ARHGEF17: variants seen among roughly 807,000 people sequenced by gnomAD.
ARHGEF17 encodes Rho guanine nucleotide exchange factor 17.
A neutral mutation model predicts 174.0 loss-of-function variants in ARHGEF17; 80 were observed. The observed-to-expected ratio is 0.46, with a 90% confidence interval of 0.38 to 0.55. The LOEUF (loss-of-function observed/expected upper bound fraction) is 0.55, where lower values mean the gene tolerates loss of function less well. Ranked by LOEUF, ARHGEF17 falls within the 20% of genes least tolerant of loss-of-function variation. The probability of loss-of-function intolerance (pLI) is 0.00; values close to 1 mark genes in which losing one functional copy is unlikely to be tolerated. For missense variants in ARHGEF17, 2,886 were observed against 2,839.7 expected, an observed-to-expected ratio of 1.02 and a Z score of -0.37; for synonymous variants, 1,311 against 1,189.1, an observed-to-expected ratio of 1.10 and a Z score of -2.11.
intron 6 of ARHGEF17, 36 bp from the exon 7 acceptor site, chr11:73,356,673 T>G: frequency 6.2e-7 from 1 of 1,613,482 alleles, no homozygotes; most frequent in Non-Finnish European, 8.5e-7. Context: ...GATTAATAAC[T>G]GGCCTTCGAG....
intron 1 of ARHGEF17, among the ~76,000 whole-genome samples, chr11:73,335,639 T>C (rs569447155): frequency 6.6e-6 from 1 of 152,172 alleles, no homozygotes; most frequent in South Asian, 2.1e-4. Flanking sequence ...TGCTGCCACC[T>C]GTGGGCGTCT....
Position 73,308,780 on chromosome 11 carries a change from A to C in ARHGEF17, c.142A>C (p.Thr48Pro). The C allele has an allele frequency of 7.0e-7, 1 of 1,419,150 alleles. No individual in the cohort carries two copies. The highest frequency in any genetic ancestry group is 9.1e-7 in the Non-Finnish European group (1 of 1,094,644). The allele number at this position is 1,419,150 out of a possible 1,614,324, so 87.9% of individuals were successfully genotyped here. ...GCGACGCGCCTCGTGCCGGCCGACC[A>C]CGGCTGCCCGGGGCCAGCCCTCTCG... The part of the protein sequence containing the change: ...LRRRASCRPT[T>P]AARGQPSRRV... The change falls in exon 1 of 21, where the codon ACG becomes CCG. Residue 48 changes from threonine (T) to proline (P), a missense_variant. Thr to Pro is a conservative substitution (Grantham distance 38, BLOSUM62 -1). Coordinates refer to ENST00000263674, the MANE Select transcript of ARHGEF17 (RefSeq NM_014786.4).
In ARHGEF17 at chr11:73,308,617, C is replaced by A. The variant is rs1591710484; in HGVS notation, c.-22C>A. 1.4e-6 allele frequency: 2 copies of A among 1,444,512 alleles called. No individual in the cohort carries two copies. The highest frequency in any genetic ancestry group is 1.8e-6 in the Non-Finnish European group (2 of 1,102,654). 89.5% of individuals were successfully genotyped at this position (1,444,512 alleles called of 1,614,324 possible). ...GGCCGCGGCTGCCCGAGGCCAGCCC[C>A]CCCGGAGTGAGTTACGCCACTATGG... is the stretch of plus-strand genomic sequence containing the variant. On this transcript the variant is annotated 5_prime_UTR_variant, in exon 1 of 21. Transcript: ENST00000263674.
chr11:73,364,651 G>T (rs758682377), intron 18 of ARHGEF17, 51 bp downstream of exon 18: 76 of 1,562,492 alleles, frequency 4.9e-5, no homozygotes, highest in Non-Finnish European at 4.1e-5. Context: ...AGCTAGGTCC[G>T]TGTGACAGGG....
At position 73,311,030 on chromosome 11, in the gene ARHGEF17, G is replaced by A; in HGVS notation, c.2392G>A (p.Glu798Lys). 1.2e-6 allele frequency: 2 copies of A among 1,614,152 alleles called. No homozygotes were observed. The highest frequency in any genetic ancestry group is 2.2e-5 in the East Asian group (1 of 44,886). Residue 798 changes from glutamate to lysine, a missense_variant, in exon 1 of 21, where the codon GAG (glutamate) becomes AAG (lysine). By Grantham distance (56) the Glu-to-Lys change is moderately conservative (BLOSUM62 1). Coordinates refer to ENST00000263674, the MANE Select transcript of ARHGEF17 (RefSeq NM_014786.4). Reference sequence around the variant, plus strand: ...CAGTGAAGAGAGCAAGGGATATCAGGAGGTTATTCAGAGCATAGTTCAGGG... The same window carrying A: ...CAGTGAAGAGAGCAAGGGATATCAGAAGGTTATTCAGAGCATAGTTCAGGG... The part of the protein sequence containing the change: ...VGSEESKGYQ[E>K]VIQSIVQGPG...
Position 73,310,780 on chromosome 11 carries a change from T to C in ARHGEF17, c.2142T>C (p.Pro714=). 1 of 1,612,002 alleles carries C rather than the reference T, an allele frequency of 6.2e-7. No individual in the cohort carries two copies. Residue 714 remains proline, a synonymous_variant, in exon 1 of 21, where the codon CCT becomes CCC. Transcript: ENST00000263674. ...TCCGCCGACGACGCAAAGTCCCACC[T>C]TCAGGTTCTGGTGGGAGCGAATTGA... ...GALRRRRKVP[P]SGSGGSELSN... is the part of the protein sequence containing the mutation.
rs1256571645 is a variant in ARHGEF17, at chr11:73,357,393, G to T, written c.4087+66G>T. The stretch of plus-strand genomic sequence containing the variant: ...TCTGAGAAGCCCTCCTGGAGGGTCT[G>T]AGCTCCAGCCAGTCTGGCTGCCTGT... On this transcript the variant is annotated intron_variant, in intron 9 of 20. Transcript: ENST00000263674. 4 of 1,445,998 alleles carry T rather than the reference G, an allele frequency of 2.8e-6. No individual in the cohort carries two copies. The Admixed American group carries it at 6.1e-5, about 22-fold the overall frequency. The allele number at this position is 1,445,998 out of a possible 1,614,324, so 89.6% of individuals were successfully genotyped here. A position where few individuals can be genotyped will look rare whatever the true frequency, so the allele number is the denominator to read the frequency against.
intron 1 of ARHGEF17, among the ~76,000 whole-genome samples, chr11:73,331,667 T>A (rs946258809): frequency 1.3e-5 from 2 of 152,082 alleles, no homozygotes; most frequent in Admixed American, 6.5e-5. Context: ...GCTTCTCATT[T>A]GTTTTCCAAA....
chr11:73,356,768 T>C lies in ARHGEF17; in HGVS notation c.3891+9T>C, dbSNP rs1473199383. ...AGATGGTCATTGAAGTGGTAAGAAG[T>C]GTCCCAGTATCTGTCCGGCTGTCCC... On this transcript the variant is annotated intron_variant, in intron 7 of 20. Coordinates refer to ENST00000263674, the MANE Select transcript of ARHGEF17 (RefSeq NM_014786.4). 4 of 1,613,970 alleles carry C rather than the reference T, an allele frequency of 2.5e-6. No homozygotes were observed. Among genetic ancestry groups the C allele is most frequent in the African/African-American group, 1.3e-5 (1 of 74,882 alleles).
chr11:73,308,615 C>T lies in ARHGEF17; in HGVS notation c.-24C>T, dbSNP rs1342885747. 6.3e-6 allele frequency: 9 copies of T among 1,431,136 alleles called. No individual in the cohort carries two copies. The highest frequency in any genetic ancestry group is 8.2e-6 in the Non-Finnish European group (9 of 1,096,612). 88.7% of individuals were successfully genotyped at this position (1,431,136 alleles called of 1,614,324 possible). On this transcript the variant is annotated 5_prime_UTR_variant, in exon 1 of 21. Transcript: ENST00000263674. ...TTGGCCGCGGCTGCCCGAGGCCAGCCCCCCCGGAGTGAGTTACGCCACTAT... is the reference window on the plus strand; with the variant it reads ...TTGGCCGCGGCTGCCCGAGGCCAGCTCCCCCGGAGTGAGTTACGCCACTAT...
rs1315499008 is a variant in ARHGEF17 at position 73,367,791 on chromosome 11, C to T, written c.*11C>T. 6.9e-6 allele frequency: 11 copies of T among 1,601,288 alleles called. No homozygotes were observed. Among genetic ancestry groups the T allele is most frequent in the Admixed American group, 1.7e-5 (1 of 59,644 alleles). On this transcript the variant is annotated 3_prime_UTR_variant, in exon 21 of 21. Coordinates refer to ENST00000263674, the MANE Select transcript of ARHGEF17 (RefSeq NM_014786.4). ...CTGTGGAGGGTGTGACCCTGTCTGC[C>T]GTGGCCCAGGACTCGCCCGCCCACC...
chr11:73,321,496 G>A (rs894982666), intron 1 of ARHGEF17, among the ~76,000 whole-genome samples: 1 of 152,202 alleles, frequency 6.6e-6, no homozygotes, highest in African/African-American at 2.4e-5. Context: ...CTTGCCGGGT[G>A]ATATTAACAA....
intron 1 of ARHGEF17, among the ~76,000 whole-genome samples, chr11:73,332,310 CT>C (rs991524126): frequency 6.6e-6 from 1 of 151,310 alleles, no homozygotes; most frequent in African/African-American, 2.4e-5. Context: ...CCCCTGCCCA[CT>C]GTTAATGTTC....
At chr11:73,364,642 G>A in intron 18 of ARHGEF17, 42 bp downstream of exon 18, 2 of 1,577,906 alleles carry the variant, frequency 1.3e-6, no homozygotes, top group Non-Finnish European at 1.7e-6. Context: ...CATGGGATGA[G>A]CTAGGTCCGT....
rs765641252 is a variant in ARHGEF17 at position 73,310,467 on chromosome 11, A to G, written c.1829A>G (p.Asp610Gly). Reference protein sequence around the residue: ...EKIQRMGAQQDDGSDAPPGSP... With the variant: ...EKIQRMGAQQGDGSDAPPGSP... ...ATCCAGCGCATGGGTGCCCAACAAG[A>G]TGATGGAAGCGATGCCCCCCCTGGA... The change falls in exon 1 of 21, where the codon GAT becomes GGT. Residue 610 changes from aspartate to glycine, a missense_variant. Transcript: ENST00000263674. The G allele has an allele frequency of 2.5e-6, 4 of 1,613,914 alleles. No homozygotes were observed. Among genetic ancestry groups the G allele is most frequent in the East Asian group, 2.2e-5 (1 of 44,878 alleles).
At chr11:73,329,388 TTGTATTTTGGG>T (rs1865166077) in intron 1 of ARHGEF17, among the ~76,000 whole-genome samples, 1 of 114,794 alleles carries the variant, frequency 8.7e-6, no homozygotes, top group Non-Finnish European at 1.7e-5. Flanking sequence ...TTTTTTTTTT[TTGTATTTTGGG>T]TTTTTGTTTT....
intron 1 of ARHGEF17, among the ~76,000 whole-genome samples, chr11:73,312,457 T>G (rs998077525): frequency 2.0e-5 from 3 of 152,174 alleles, no homozygotes; most frequent in Non-Finnish European, 2.9e-5. Context: ...TGACTTAATC[T>G]CCCCAATCAG....
At chr11:73,343,270 A>C (rs1409931265) in intron 1 of ARHGEF17, 1 of 398,136 alleles carries the variant, frequency 2.5e-6, no homozygotes, top group Non-Finnish European at 4.4e-6. Flanking sequence ...GAGCCTGGGG[A>C]GGCCCAGGTA....
chr11:73,316,837 T>C (rs1158614379), intron 1 of ARHGEF17, among the ~76,000 whole-genome samples: 1 of 152,180 alleles, frequency 6.6e-6, no homozygotes, highest in African/African-American at 2.4e-5. Context: ...GGCTGCTCCA[T>C]GTGGATAGAT....
Sources: allele counts gnomAD v4.1 joint callset (sites outside exome capture counted in the v4.1 genomes callset), GRCh38; gene constraint gnomAD v4.1.1; transcripts MANE v1.5; gene names NCBI Gene and HGNC (gene_info 2026-07-23, HGNC 2026-07-21).